PROS1: variants seen among roughly 807,000 people sequenced by gnomAD.
PROS1 encodes the protein protein S.
In PROS1, 29 loss-of-function variants were observed where a neutral mutation model predicts 75.9. The observed-to-expected ratio is 0.38, with a 90% CI of 0.28 to 0.52. The LOEUF is 0.52. Among genes scored for constraint, PROS1 ranks in the 20% least tolerant of loss-of-function variants. The pLI, the probability that PROS1 is intolerant of heterozygous loss-of-function variation, is 0.83. For synonymous variants in PROS1, 245 were observed against 280.6 expected (o/e 0.87, Z 1.27); for missense variants, 680 against 810.3 (o/e 0.84, Z 1.95).
intron 1 of PROS1, among the ~76,000 whole-genome samples, chr3:93,969,550 G>C (rs928645206): frequency 1.7e-4 from 26 of 152,200 alleles, no homozygotes; most frequent in African/African-American, 5.8e-4. Context: ...GGGCCTCCTA[G>C]GAATTTGAGC....
intron 1 of PROS1, among the ~76,000 whole-genome samples, chr3:93,942,240 C>A (rs573804079): frequency 1.3e-5 from 2 of 152,222 alleles, no homozygotes; most frequent in South Asian, 4.1e-4. Flanking sequence ...GAACTCATTG[C>A]CTTAACTAGA....
chr3:93,927,260 T>A lies in PROS1; in HGVS notation c.224A>T (p.Asp75Val), dbSNP rs1433602733. Reference protein sequence around the residue: ...KEEAREVFENDPETDYFYPKY... With the variant: ...KEEAREVFENVPETDYFYPKY... Reference sequence around the variant, plus strand: ...TCCATAAATGCTTACCGTTTCCGGGTCATTTTCAAAGACCTCCCTGGCTTC... The same window carrying A: ...TCCATAAATGCTTACCGTTTCCGGGACATTTTCAAAGACCTCCCTGGCTTC... The change falls in exon 2 of 15, where the codon GAC becomes GTC. Residue 75 changes from aspartate (D) to valine (V), a missense_variant. Asp to Val is a radical substitution (Grantham distance 152, BLOSUM62 -3). Coordinates refer to ENST00000394236, the MANE Select transcript of PROS1 (RefSeq NM_000313.4). The A allele has an allele frequency of 3.1e-6, 5 of 1,612,306 alleles. No homozygotes were observed. The highest frequency in any genetic ancestry group is 2.2e-4 in the Middle Eastern group (1 of 4,636).
chr3:93,891,547 T>C (rs1264417623), intron 10 of PROS1, among the ~76,000 whole-genome samples: 1 of 151,958 alleles, frequency 6.6e-6, no homozygotes, highest in Non-Finnish European at 1.5e-5. Context: ...CCTGCTGGGA[T>C]TGCAGGCGTG....
intron 1 of PROS1, among the ~76,000 whole-genome samples, chr3:93,929,739 G>A (rs1709075938): frequency 1.3e-5 from 2 of 152,196 alleles, no homozygotes; most frequent in South Asian, 4.1e-4. Flanking sequence ...TATATTTGGA[G>A]AAAAGTATGG....
chr3:93,875,655 T>TATCTATCTATCTATC (rs1708172824), intron 14 of PROS1, among the ~76,000 whole-genome samples: 1 of 151,608 alleles, frequency 6.6e-6, no homozygotes, highest in Non-Finnish European at 1.5e-5. Flanking sequence ...TCTATCTATC[T>TATCTATCTATCTATC]ATCTATCTAT....
At chr3:93,953,513 A>AG (rs1429796060) in intron 1 of PROS1, among the ~76,000 whole-genome samples, 25 of 152,212 alleles carry the variant, frequency 1.6e-4, no homozygotes, top group Non-Finnish European at 3.2e-4. Context: ...AAAGGCCTTC[A>AG]GCAAAATTCA....
In PROS1 at chr3:93,874,405, T is replaced by A. The variant is rs1421541614; in HGVS notation, c.1871A>T (p.Asp624Val). ...KVATYLGGLP[D>V]VPFSATPVNA... ...CACTGGTGTGGCACTGAATGGAACA[T>A]CTGTAAAAGGAAAATATTAGAATAT... The change falls in exon 15 of 15, where the codon GAT becomes GTT. Residue 624 changes from aspartate to valine, a missense_variant and splice_region_variant. By Grantham distance (152) the Asp-to-Val change is radical (BLOSUM62 -3). Coordinates refer to ENST00000394236, the MANE Select transcript of PROS1 (RefSeq NM_000313.4). The A allele has an allele frequency of 6.2e-7, 1 of 1,613,312 alleles. No individual in the cohort carries two copies. Among genetic ancestry groups the A allele is most frequent in the Admixed American group, 1.7e-5 (1 of 59,992 alleles).
chr3:93,942,952 G>T (rs989959764), intron 1 of PROS1, among the ~76,000 whole-genome samples: 1 of 152,126 alleles, frequency 6.6e-6, no homozygotes, highest in African/African-American at 2.4e-5. Context: ...AATACCTCTT[G>T]GTCTGGGTAG....
intron 4 of PROS1, among the ~76,000 whole-genome samples, chr3:93,906,754 G>T (rs1708682575): frequency 6.6e-6 from 1 of 152,232 alleles, no homozygotes; most frequent in Non-Finnish European, 1.5e-5. Flanking sequence ...CCCACCACAG[G>T]CTCAGAAGTG....
intron 1 of PROS1, among the ~76,000 whole-genome samples, chr3:93,945,814 T>C (rs955751952): frequency 1.3e-5 from 2 of 152,088 alleles, no homozygotes; most frequent in African/African-American, 4.8e-5. Flanking sequence ...GCCTGGGCAA[T>C]TGGGCAGGAG....
chr3:93,955,527 G>A (rs1335798815), intron 1 of PROS1, among the ~76,000 whole-genome samples: 1 of 151,978 alleles, frequency 6.6e-6, no homozygotes, highest in Admixed American at 6.6e-5. Context: ...ATTGAACAAT[G>A]AGAACAGTTG....
At position 93,940,902 on chromosome 3, in the gene PROS1, C is replaced by T. The variant is rs145617135; in HGVS notation, c.77-13495G>A. ...GTCTTACAGGTTAGTTCAAGATCTG[C>T]GCCTTATCAACCAAACTGTTTTGCC... On this transcript the variant is annotated intron_variant, in intron 1 of 14. Coordinates refer to ENST00000394236, the MANE Select transcript of PROS1 (RefSeq NM_000313.4). Among the ~76,000 whole-genome samples, 1,590 of 152,284 alleles carry T rather than the reference C, an allele frequency of 0.01. 81 individuals are homozygous for T. In the East Asian group the frequency reaches 0.14, roughly 13 times the overall value.
intron 12 of PROS1, among the ~76,000 whole-genome samples, chr3:93,883,411 C>T (rs576022689): frequency 5.5e-4 from 83 of 152,032 alleles, no homozygotes; most frequent in Admixed American, 1.0e-3. Context: ...ACCAGCCTGG[C>T]CAACATGGCA....
chr3:93,973,584 C>G, intron 1 of PROS1, 90 bp downstream of exon 1: 1 of 1,375,376 alleles, frequency 7.3e-7, no homozygotes, highest in East Asian at 2.4e-5. Flanking sequence ...TAGGAGGCTG[C>G]AGCTCTAGAG....
At chr3:93,905,213 T>C (rs1576186601) in intron 6 of PROS1, among the ~76,000 whole-genome samples, 2 of 152,242 alleles carry the variant, frequency 1.3e-5, no homozygotes, top group Admixed American at 6.5e-5. Context: ...AGACTTGCAT[T>C]GAAACATCAC....
At chr3:93,895,594 T>G (rs1708491638) in intron 9 of PROS1, among the ~76,000 whole-genome samples, 1 of 152,202 alleles carries the variant, frequency 6.6e-6, no homozygotes, top group African/African-American at 2.4e-5. Context: ...TTAAAATATT[T>G]TAAAATTTGA....
At chr3:93,942,490 C>G (rs2107227650) in intron 1 of PROS1, among the ~76,000 whole-genome samples, 1 of 152,280 alleles carries the variant, frequency 6.6e-6, no homozygotes, top group African/African-American at 2.4e-5. Flanking sequence ...TCGCTCAGGA[C>G]AGTGCTTAGG....
Position 93,917,671 on chromosome 3 carries a change from G to A in PROS1, c.259+6569C>T, listed in dbSNP as rs1407325798. 7.9e-5 allele frequency among the ~76,000 whole-genome samples: 12 copies of A among 152,256 alleles called. No individual in the cohort carries two copies. In the South Asian group the frequency reaches 1.7e-3, roughly 21 times the overall value. Reference sequence around the variant, plus strand: ...CTGGTGGGCGTGGGCTTGGCGGGCCGGCACTCGGAGCAGCCGGCCGGCCCT... The same window carrying A: ...CTGGTGGGCGTGGGCTTGGCGGGCCAGCACTCGGAGCAGCCGGCCGGCCCT... On this transcript the variant is annotated intron_variant, in intron 3 of 14. Transcript: ENST00000394236.
intron 14 of PROS1, among the ~76,000 whole-genome samples, chr3:93,875,644 ATCTATCTATCTATCT>A (rs1231330685): frequency 6.7e-6 from 1 of 150,188 alleles, no homozygotes; most frequent in African/African-American, 2.4e-5. Context: ...CTATCTATCT[ATCTATCTATCTATCT>A]ATCTATCTAT....
Sources: gnomAD v4.1 joint callset for allele counts (sites outside exome capture counted in the v4.1 genomes callset) on GRCh38, gnomAD v4.1.1 for gene constraint, MANE v1.5 for transcripts, NCBI Gene and HGNC (gene_info 2026-07-23, HGNC 2026-07-21) for gene names.